Variants in TRAPPC9 observed in about 807,000 individuals in gnomAD.
The protein encoded by TRAPPC9 is trafficking protein particle complex subunit 9.
In TRAPPC9, 83 loss-of-function variants were observed where a neutral mutation model predicts 124.0. The ratio of observed to expected loss-of-function variants is 0.67; its 90% CI spans 0.56 to 0.80. TRAPPC9 has a LOEUF of 0.80. Among genes scored for constraint, TRAPPC9 ranks in the 30% least tolerant of loss-of-function variants. The probability of loss-of-function intolerance (pLI) is 0.00; values close to 1 mark genes in which losing one functional copy is unlikely to be tolerated. For synonymous variants in TRAPPC9, 638 were observed against 617.5 expected (o/e 1.03, Z -0.49); for missense variants, 1,302 against 1,508.3 (o/e 0.86, Z 2.27).
chr8:140,254,585 G>A (rs1169340274), intron 15 of TRAPPC9, among the ~76,000 whole-genome samples: 3 of 152,180 alleles, frequency 2.0e-5, no homozygotes, highest in Non-Finnish European at 2.9e-5. Context: ...AGGAAGCCAT[G>A]AGCACGGGGC....
intron 17 of TRAPPC9, among the ~76,000 whole-genome samples, chr8:140,115,626 G>C (rs551583370): frequency 1.0e-5 from 1 of 98,848 alleles, no homozygotes; most frequent in Non-Finnish European, 2.4e-5. Context: ...TCAATCTATG[G>C]TTGCCTGAAT....
At chr8:140,032,414 C>A (rs546432873) in intron 17 of TRAPPC9, among the ~76,000 whole-genome samples, 6 of 151,368 alleles carry the variant, frequency 4.0e-5, no homozygotes, top group Admixed American at 6.6e-5. Flanking sequence ...CCTCCCCCCC[C>A]ACCCTCCTCC....
intron 18 of TRAPPC9, among the ~76,000 whole-genome samples, chr8:140,014,277 C>T (rs531683350): frequency 6.6e-6 from 1 of 152,234 alleles, no homozygotes; most frequent in African/African-American, 2.4e-5. Context: ...GAGAGGGAGG[C>T]TCGGCACTCA....
intron 21 of TRAPPC9, among the ~76,000 whole-genome samples, chr8:139,768,423 C>T (rs891121894): frequency 1.3e-5 from 2 of 152,190 alleles, no homozygotes; most frequent in African/African-American, 4.8e-5. Context: ...CAGTGGTGGG[C>T]CAGGCCCTGC....
At chr8:139,968,148 C>CAA (rs11299764) in intron 19 of TRAPPC9, among the ~76,000 whole-genome samples, 2,685 of 138,382 alleles carry the variant, frequency 0.019, 43 homozygotes, top group African/African-American at 0.04. Flanking sequence ...GACTCTGTCT[C>CAA]AAAAAAAAAA....
At chr8:139,760,814 G>A (rs1040667850) in intron 21 of TRAPPC9, among the ~76,000 whole-genome samples, 1 of 152,192 alleles carries the variant, frequency 6.6e-6, no homozygotes, top group Admixed American at 6.5e-5. Context: ...CACTCACTAT[G>A]ATGAGAACAG....
rs566056494 is a variant in TRAPPC9, at chr8:140,381,747, CA to C, written c.1135-10568del. Among the ~76,000 whole-genome samples the C allele has an allele frequency of 5.6e-4, 83 of 148,306 alleles. No individual in the cohort carries two copies. The East Asian group carries it at 0.015, about 28-fold the overall frequency. On this transcript the variant is annotated intron_variant, in intron 7 of 22. Coordinates refer to ENST00000438773, the MANE Select transcript of TRAPPC9 (RefSeq NM_001160372.4). ...CCATGAGGGAAATGTAAATCAAAAC[CA>C]AAATGAGACATCACTTCACACCCAC...
At chr8:140,021,356 C>G (rs767390627) in intron 18 of TRAPPC9, among the ~76,000 whole-genome samples, 47 of 152,340 alleles carry the variant, frequency 3.1e-4, no homozygotes, top group Middle Eastern at 3.4e-3. Flanking sequence ...GCATATAACA[C>G]AAGAATTTCT....
Position 140,353,486 on chromosome 8 carries a change from C to T in TRAPPC9, c.1495+6564G>A, listed in dbSNP as rs1052658704. On this transcript the variant is annotated intron_variant, in intron 9 of 22. Transcript: ENST00000438773. This position sits in a 1 kb window ranked among gnomAD's most constrained non-coding sequence, Gnocchi z 4.2. ...CTCGCTCACCTGGGGCTTTTGATCC[C>T]AGTCCCTGAAACAGTTTACCTAACT... Among the ~76,000 whole-genome samples, 3 of 152,200 alleles carry T rather than the reference C, an allele frequency of 2.0e-5. No homozygotes were observed. Among genetic ancestry groups the T allele is most frequent in the African/African-American group, 7.2e-5 (3 of 41,456 alleles).
chr8:140,162,659 G>A (rs770519908), intron 17 of TRAPPC9, among the ~76,000 whole-genome samples: 6 of 152,204 alleles, frequency 3.9e-5, no homozygotes, highest in Non-Finnish European at 7.3e-5. Context: ...GCACAGCAAT[G>A]TGAATGCGCT....
At chr8:139,944,877 CT>C (rs1834113053) in intron 19 of TRAPPC9, among the ~76,000 whole-genome samples, 1 of 152,200 alleles carries the variant, frequency 6.6e-6, no homozygotes, top group African/African-American at 2.4e-5. Flanking sequence ...AATCCCAGCA[CT>C]TTGGGAGGCC....
At chr8:139,769,184 A>T (rs781306649) in intron 21 of TRAPPC9, among the ~76,000 whole-genome samples, 2 of 152,232 alleles carry the variant, frequency 1.3e-5, no homozygotes, top group Non-Finnish European at 2.9e-5. Context: ...GACGGCTGAA[A>T]CCTCAGATAG....
Position 140,377,351 on chromosome 8 carries a change from C to T in TRAPPC9, c.1135-6171G>A, listed in dbSNP as rs1408020807. 9.9e-5 allele frequency among the ~76,000 whole-genome samples: 15 copies of T among 151,904 alleles called. No homozygotes were observed. In the South Asian group the frequency reaches 1.9e-3, roughly 19 times the overall value. On this transcript the variant is annotated intron_variant, in intron 7 of 22. Transcript: ENST00000438773. ...TTCACCCTTGTGGCCCAGGCTGGAG[C>T]GCAGTGGCGTAATCTCGGCTTACTG...
At chr8:140,418,008 C>T (rs2070002286) in intron 5 of TRAPPC9, among the ~76,000 whole-genome samples, 2 of 152,100 alleles carry the variant, frequency 1.3e-5, no homozygotes, top group Admixed American at 1.3e-4. Context: ...GGGAGCTGAA[C>T]AATGGTAACA....
intron 13 of TRAPPC9, among the ~76,000 whole-genome samples, chr8:140,284,316 T>C (rs1433575208): frequency 6.6e-6 from 1 of 152,222 alleles, no homozygotes; most frequent in Non-Finnish European, 1.5e-5. Flanking sequence ...TACTTAATAA[T>C]CAGTATCTCA....
chr8:139,785,452 C>A (rs1013186405), intron 21 of TRAPPC9, among the ~76,000 whole-genome samples: 4 of 152,106 alleles, frequency 2.6e-5, no homozygotes, highest in African/African-American at 7.2e-5. Context: ...AATCCCAGCA[C>A]TTTGGGTGGC....
At chr8:139,807,284 C>A (rs893322170) in intron 21 of TRAPPC9, among the ~76,000 whole-genome samples, 13 of 152,208 alleles carry the variant, frequency 8.5e-5, no homozygotes, top group Admixed American at 7.2e-4. Flanking sequence ...CAGCCAGTTA[C>A]AGGGATCAGA....
chr8:140,114,581 A>G (rs2060843803), intron 17 of TRAPPC9, among the ~76,000 whole-genome samples: 2 of 152,214 alleles, frequency 1.3e-5, no homozygotes, highest in African/African-American at 4.8e-5. Flanking sequence ...GTATCATAAT[A>G]GGACCATCCG....
chr8:140,388,370 A>G (rs1296781246), intron 7 of TRAPPC9, among the ~76,000 whole-genome samples: 2 of 148,660 alleles, frequency 1.3e-5, no homozygotes, highest in Non-Finnish European at 3.0e-5. Flanking sequence ...TAGAACTTAC[A>G]GTAAAAAAAA....
Sources: allele counts gnomAD v4.1 joint callset (sites outside exome capture counted in the v4.1 genomes callset), GRCh38; gene constraint gnomAD v4.1.1; non-coding constraint Gnocchi (gnomAD v3.1); transcripts MANE v1.5; gene names NCBI Gene and HGNC (gene_info 2026-07-23, HGNC 2026-07-21).